Variants in SI observed in about 807,000 individuals in gnomAD.
The protein encoded by SI is sucrase-isomaltase, also known as sucrase-isomaltase, intestinal.
SI carries 235 observed loss-of-function variants against 253.3 expected under a neutral mutation model. The ratio of observed to expected loss-of-function variants is 0.93; its 90% CI spans 0.83 to 1.03. The LOEUF is 1.03. Ranked by LOEUF, SI falls within the 50% of genes least tolerant of loss-of-function variation. SI has a pLI of 0.00. For missense variants in SI, 2,442 were observed against 2,211.1 expected, an observed-to-expected ratio of 1.10 and a Z score of -2.09; for synonymous variants, 819 against 712.0, an observed-to-expected ratio of 1.15 and a Z score of -2.39.
intron 37 of SI, 59 bp downstream of exon 37, chr3:165,006,757 T>G (rs951497926): frequency 6.8e-7 from 1 of 1,463,226 alleles, no homozygotes; most frequent in African/African-American, 1.4e-5. Flanking sequence ...AATGATAACA[T>G]TAAATGTAAG....
At chr3:165,076,828 A>G (rs1237068585) in intron 1 of SI, among the ~76,000 whole-genome samples, 1 of 151,656 alleles carries the variant, frequency 6.6e-6, no homozygotes, top group African/African-American at 2.4e-5. Context: ...GACCACATAT[A>G]TCTTATTTTT....
chr3:165,083,919 T>G, the SI span, among the ~76,000 whole-genome samples: 1 of 152,026 alleles, frequency 6.6e-6, no homozygotes, highest in Non-Finnish European at 1.5e-5. Context: ...TGCTTTGTTG[T>G]TTGATGACAA....
At chr3:165,031,258 A>G (rs183297728) in intron 24 of SI, among the ~76,000 whole-genome samples, 1 of 149,578 alleles carries the variant, frequency 6.7e-6, no homozygotes, top group Non-Finnish European at 1.5e-5. Context: ...ACCAAACATA[A>G]TTGCAAAACT....
intron 3 of SI, among the ~76,000 whole-genome samples, chr3:165,070,970 A>T (rs937341754): frequency 1.3e-5 from 2 of 152,004 alleles, no homozygotes; most frequent in Admixed American, 6.6e-5. Context: ...TCCTTGGCTT[A>T]TAGGCGCCTT....
chr3:165,005,163 C>T (rs555562273), intron 37 of SI, among the ~76,000 whole-genome samples: 2 of 152,106 alleles, frequency 1.3e-5, no homozygotes, highest in East Asian at 1.9e-4. Context: ...TTTAAATAAA[C>T]ATCTTTAAAT....
chr3:165,012,906 A>C (rs1409194815), intron 34 of SI, 74 bp downstream of exon 34: 1 of 905,150 alleles, frequency 1.1e-6, no homozygotes, highest in Non-Finnish European at 1.9e-6. Flanking sequence ...ATTCAAATTT[A>C]GTTATTGATT....
chr3:165,081,012 C>T (rs997406539), upstream of SI, among the ~76,000 whole-genome samples: 4 of 151,922 alleles, frequency 2.6e-5, no homozygotes, highest in Non-Finnish European at 5.9e-5. Context: ...AACAAACTGG[C>T]CTTTGTTTTA....
intron 40 of SI, 133 bp downstream of exon 40, chr3:164,996,402 A>G: frequency 1.5e-6 from 1 of 660,520 alleles, no homozygotes; most frequent in Non-Finnish European, 2.7e-6. Flanking sequence ...GTTCCTCCAG[A>G]CAATTTCCTC....
intron 18 of SI, among the ~76,000 whole-genome samples, chr3:165,040,434 T>A (rs1712759878): frequency 6.6e-6 from 1 of 152,078 alleles, no homozygotes; most frequent in African/African-American, 2.4e-5. Context: ...GATAGGTTCA[T>A]AAAGTATCGG....
intron 38 of SI, among the ~76,000 whole-genome samples, chr3:164,997,516 G>A (rs1175687516): frequency 1.3e-5 from 2 of 150,674 alleles, no homozygotes; most frequent in East Asian, 2.0e-4. Flanking sequence ...AGTTTCAGAA[G>A]TACATTTGCA....
At chr3:164,994,542 A>G (rs1717924404) in intron 40 of SI, 137 bp from the exon 41 acceptor site, 3 of 793,188 alleles carry the variant, frequency 3.8e-6, no homozygotes, top group Admixed American at 2.3e-5. Context: ...TCTTCCCAAA[A>G]TCTTACACAA....
In SI at chr3:165,037,980, A is replaced by G; in HGVS notation, c.2346T>C (p.Leu782=). The change falls in exon 21 of 48, where the codon CTT becomes CTC. Residue 782 remains leucine, a synonymous_variant. Transcript: ENST00000264382. ...PWRKQRVDMY[L]PADKIGLHLR... ...GATGTAATCCTATTTTGTCTGCTGGAAGATACATATCAACCCGTTGTTTCC... is the reference window on the plus strand; with the variant it reads ...GATGTAATCCTATTTTGTCTGCTGGGAGATACATATCAACCCGTTGTTTCC... The G allele has an allele frequency of 6.2e-7, 1 of 1,610,232 alleles. No individual in the cohort carries two copies.
intron 8 of SI, among the ~76,000 whole-genome samples, chr3:165,062,795 A>C (rs1187991830): frequency 6.6e-6 from 1 of 152,044 alleles, no homozygotes; most frequent in Non-Finnish European, 1.5e-5. Flanking sequence ...TTTTTCTCTA[A>C]AACTGCATTT....
chr3:165,017,588 C>T lies in SI; in HGVS notation c.3719G>A (p.Arg1240Gln), dbSNP rs1427495882. 7 of 1,612,310 alleles carry T rather than the reference C, an allele frequency of 4.3e-6. No individual in the cohort carries two copies. Among genetic ancestry groups the T allele is most frequent in the Admixed American group, 3.3e-5 (2 of 59,882 alleles). The change falls in exon 31 of 48, where the codon CGG becomes CAG. Residue 1240 changes from arginine to glutamine, a missense_variant. By Grantham distance (43) the Arg-to-Gln change is conservative (BLOSUM62 1). Coordinates refer to ENST00000264382, the MANE Select transcript of SI (RefSeq NM_001041.4). ...RYGYANTSEV[R>Q]ELYDAMVAAN... ...AGCCACCATAGCGTCATATAATTCC[C>T]GAACCTCTGAAGTATTTGCATATCC...
chr3:165,066,191 C>T (rs1714238067), intron 6 of SI, among the ~76,000 whole-genome samples: 1 of 151,766 alleles, frequency 6.6e-6, no homozygotes, highest in South Asian at 2.1e-4. Flanking sequence ...TATAAGTAAT[C>T]TAGAAATGAT....
intron 35 of SI, among the ~76,000 whole-genome samples, chr3:165,008,645 A>G (rs1172563133): frequency 6.6e-6 from 1 of 152,040 alleles, no homozygotes; most frequent in Admixed American, 6.6e-5. Flanking sequence ...GCTTTATACA[A>G]TCTTATATCT....
intron 6 of SI, among the ~76,000 whole-genome samples, chr3:165,067,013 C>A (rs1714278976): frequency 6.6e-6 from 1 of 151,750 alleles, no homozygotes; most frequent in Non-Finnish European, 1.5e-5. Flanking sequence ...TCTGATTCTA[C>A]AAATTGGCAA....
intron 15 of SI, among the ~76,000 whole-genome samples, chr3:165,047,781 T>C (rs997261816): frequency 3.9e-5 from 6 of 151,978 alleles, no homozygotes; most frequent in Admixed American, 3.3e-4. Flanking sequence ...AATTATATAT[T>C]TATTTCGACA....
In SI at chr3:165,040,051, G is replaced by T. The variant is rs1350424134; in HGVS notation, c.2160-80C>A. The T allele has an allele frequency of 6.2e-6, 7 of 1,120,336 alleles. No homozygotes were observed. The African/African-American group carries it at 9.2e-5, about 15-fold the overall frequency. 69.4% of individuals were successfully genotyped at this position (1,120,336 alleles called of 1,614,324 possible). On this transcript the variant is annotated intron_variant, in intron 18 of 47. Transcript: ENST00000264382. ...ATTCCTGGTTCAGTTTATCTTTTCA[G>T]TTTTTTCCTGGGAATTGTTGTTATC...
Sources: gnomAD v4.1 joint callset for allele counts (sites outside exome capture counted in the v4.1 genomes callset) on GRCh38, gnomAD v4.1.1 for gene constraint, MANE v1.5 for transcripts, NCBI Gene and HGNC (gene_info 2026-07-23, HGNC 2026-07-21) for gene names.